The following ABHD12 variants were observed in gnomAD, a reference collection of about 807,000 sequenced individuals.
ABHD12 encodes the protein abhydrolase domain containing 12, lysophospholipase.
In ABHD12, 43 loss-of-function variants were observed where a neutral mutation model predicts 58.3. That is an observed-to-expected ratio of 0.74 (90% CI 0.58 to 0.95). The LOEUF is 0.95. ABHD12 is among the 40% of genes least tolerant of loss of function. The probability of loss-of-function intolerance (pLI) is 0.00; values close to 1 mark genes in which losing one functional copy is unlikely to be tolerated. For missense variants in ABHD12, 539 were observed against 537.2 expected (o/e 1.00, Z -0.03); for synonymous variants, 219 against 211.2 (o/e 1.04, Z -0.32).
rs575339393 is a variant in ABHD12 at position 25,317,091 on chromosome 20, A to G, written c.543-13T>C. 5.5e-5 allele frequency: 88 copies of G among 1,609,254 alleles called. No individual in the cohort carries two copies. Among genetic ancestry groups the G allele is most frequent in the Non-Finnish European group, 7.1e-5 (84 of 1,176,446 alleles). On this transcript the variant is annotated splice_polypyrimidine_tract_variant and intron_variant, in intron 4 of 12. Transcript: ENST00000339157. ...GTGGTCGCCTCCTCTGGAGAAGAAA[A>G]CAGGACATGGTGTGAGCACATCTTC... is the stretch of plus-strand genomic sequence containing the variant.
rs757336398 is a variant in ABHD12 at position 25,308,089 on chromosome 20, C to T, written c.788-44G>A. On this transcript the variant is annotated intron_variant, in intron 8 of 12. Coordinates refer to ENST00000339157, the MANE Select transcript of ABHD12 (RefSeq NM_001042472.3). ...AACTGAGAGGTAGGCAGGAAGCCAG[C>T]GACATACATGTGGCCTGTGGGGCTC... 26 of 1,339,852 alleles carry T rather than the reference C, an allele frequency of 1.9e-5. 1 individual carries two copies. The highest frequency in any genetic ancestry group is 1.6e-4 in the East Asian group (7 of 43,906). The allele number at this position is 1,339,852 out of a possible 1,614,324, so 83.0% of individuals were successfully genotyped here.
chr20:25,370,378 C>CT (rs2089885005), intron 1 of ABHD12, among the ~76,000 whole-genome samples: 2 of 152,182 alleles, frequency 1.3e-5, no homozygotes, highest in African/African-American at 4.8e-5. Flanking sequence ...CTGTGGAAGA[C>CT]TCAGAGGCCA....
Position 25,300,772 on chromosome 20 carries a change from G to A in ABHD12, c.*73C>T, listed in dbSNP as rs1280797041. The stretch of plus-strand genomic sequence containing the variant: ...CAGGTGCCGGCCCCCCGGGGCTTCA[G>A]GATACCGGGCTGCTGACTGGAGGAA... On this transcript the variant is annotated 3_prime_UTR_variant, in exon 13 of 13. Transcript: ENST00000339157. 6.2e-7 allele frequency: 1 copy of A among 1,612,406 alleles called. No homozygotes were observed. Among genetic ancestry groups the A allele is most frequent in the African/African-American group, 1.3e-5 (1 of 74,916 alleles).
At chr20:25,371,267 A>G (rs895492224) in intron 1 of ABHD12, among the ~76,000 whole-genome samples, 1 of 152,166 alleles carries the variant, frequency 6.6e-6, no homozygotes, top group African/African-American at 2.4e-5. Context: ...GGTGTGGGAC[A>G]CTGGTACCAA....
At chr20:25,368,523 A>G (rs767803520) in intron 1 of ABHD12, 9 of 1,491,008 alleles carry the variant, frequency 6.0e-6, no homozygotes, top group Non-Finnish European at 8.4e-6. Flanking sequence ...TCATCACCAA[A>G]TTTCTCCCCG....
chr20:25,381,227 CTG>C (rs2090017919), intron 1 of ABHD12, among the ~76,000 whole-genome samples: 1 of 152,210 alleles, frequency 6.6e-6, no homozygotes, highest in South Asian at 2.1e-4. Flanking sequence ...TACACCCAGA[CTG>C]TGCACACACA....
rs765124136 is a variant in ABHD12 at position 25,306,784 on chromosome 20, T to A, written c.950+49A>T. 60 of 1,340,812 alleles carry A rather than the reference T, an allele frequency of 4.5e-5. No individual in the cohort carries two copies. The South Asian group carries it at 6.2e-4, about 14-fold the overall frequency. The allele number at this position is 1,340,812 out of a possible 1,614,324, so 83.1% of individuals were successfully genotyped here. A position where few individuals can be genotyped will look rare whatever the true frequency, so the allele number is the denominator to read the frequency against. On this transcript the variant is annotated intron_variant, in intron 10 of 12. Coordinates refer to ENST00000339157, the MANE Select transcript of ABHD12 (RefSeq NM_001042472.3). ...ACTAAAGAGGCTCATCCAGAGGTTC[T>A]CAGAGTTTTTCTAAATAGGAAAATT... is the stretch of plus-strand genomic sequence containing the variant.
chr20:25,304,308 G>T (rs1319669249), intron 10 of ABHD12, among the ~76,000 whole-genome samples: 1 of 152,224 alleles, frequency 6.6e-6, no homozygotes, highest in Non-Finnish European at 1.5e-5. Flanking sequence ...ACACACTCTT[G>T]CTTCCCAGTA....
At chr20:25,366,735 A>G (rs1293437960) in intron 1 of ABHD12, among the ~76,000 whole-genome samples, 1 of 152,204 alleles carries the variant, frequency 6.6e-6, no homozygotes, top group East Asian at 1.9e-4. Context: ...TGGCTACCCA[A>G]TTGTCCCAAA....
chr20:25,320,412 C>T, intron 3 of ABHD12, 94 bp from the exon 4 acceptor site: 1 of 1,566,714 alleles, frequency 6.4e-7, no homozygotes, highest in Non-Finnish European at 8.7e-7. Context: ...AGCTCAAGTC[C>T]AGACAGCAGG....
In ABHD12 at chr20:25,339,325, C is replaced by T; in HGVS notation, c.218G>A (p.Arg73Lys). 4 of 1,614,128 alleles carry T rather than the reference C, an allele frequency of 2.5e-6. No individual in the cohort carries two copies. The highest frequency in any genetic ancestry group is 3.4e-6 in the Non-Finnish European group (4 of 1,180,016). ...CCCCAAAACACAGAAAAGTATCTTC[C>T]TCAGGCGCAACCACACGCCCTTTCG... ...GRRKGVWLRLRKILFCVLGLY... is the reference protein window; with the variant it reads ...GRRKGVWLRLKKILFCVLGLY... Residue 73 changes from arginine (R) to lysine (K), a missense_variant, in exon 2 of 13, where the codon AGG becomes AAG. By Grantham distance (26) the Arg-to-Lys change is conservative. Transcript: ENST00000339157.
At chr20:25,296,135 C>T (rs888958879), downstream of ABHD12, among the ~76,000 whole-genome samples, 4 of 152,084 alleles carry the variant, frequency 2.6e-5, no homozygotes, top group Admixed American at 6.6e-5. Flanking sequence ...CAGGAATTTT[C>T]GAGGCTGGGA....
At chr20:25,298,319 G>A (rs1379738979), downstream of ABHD12, among the ~76,000 whole-genome samples, 5 of 152,150 alleles carry the variant, frequency 3.3e-5, no homozygotes, top group African/African-American at 1.2e-4. Context: ...AGGCTGGAGT[G>A]CAGTGGCACG....
At chr20:25,315,004 A>G in intron 5 of ABHD12, 34 bp from the exon 6 acceptor site, 5 of 1,613,198 alleles carry the variant, frequency 3.1e-6, no homozygotes, top group Non-Finnish European at 4.2e-6. Flanking sequence ...TTTGGCAACA[A>G]ATCCAAGCAT....
At chr20:25,382,326 G>T (rs2090031711) in intron 1 of ABHD12, among the ~76,000 whole-genome samples, 1 of 151,968 alleles carries the variant, frequency 6.6e-6, no homozygotes, top group African/African-American at 2.4e-5. Flanking sequence ...CTAGACGCTG[G>T]CTCTCGGTGT....
At chr20:25,322,377 A>AT (rs1483645613) in intron 3 of ABHD12, among the ~76,000 whole-genome samples, 1 of 42,274 alleles carries the variant, frequency 2.4e-5, no homozygotes, top group Admixed American at 3.1e-4. Flanking sequence ...ATATATATAT[A>AT]TATATTTTTT....
chr20:25,339,512 A>T, intron 1 of ABHD12, 161 bp from the exon 2 acceptor site: 1 of 1,393,192 alleles, frequency 7.2e-7, no homozygotes, highest in South Asian at 1.2e-5. Context: ...GCCTTCACTC[A>T]AGTAATTATT....
At chr20:25,320,954 C>T (rs995088263) in intron 3 of ABHD12, among the ~76,000 whole-genome samples, 16 of 152,364 alleles carry the variant, frequency 1.1e-4, no homozygotes, top group Admixed American at 9.1e-4. Context: ...ACTCAGGCCA[C>T]ATCGAATACT....
chr20:25,297,301 A>G (rs2088562783), downstream of ABHD12: 1 of 152,296 alleles, frequency 6.6e-6, no homozygotes, highest in Admixed American at 6.5e-5. Context: ...AAATAACTAC[A>G]CATGGAAATG....
Sources: gnomAD v4.1 joint callset for allele counts (sites outside exome capture counted in the v4.1 genomes callset) on GRCh38, gnomAD v4.1.1 for gene constraint, MANE v1.5 for transcripts, NCBI Gene and HGNC (gene_info 2026-07-23, HGNC 2026-07-21) for gene names.